The following MTA3 variants were observed in gnomAD, a reference collection of about 807,000 sequenced individuals.
MTA3 encodes metastasis associated 1 family member 3.
In MTA3, 34 loss-of-function variants were observed where a neutral mutation model predicts 83.5. The ratio of observed to expected loss-of-function variants is 0.41; its 90% CI spans 0.31 to 0.54. The LOEUF (loss-of-function observed/expected upper bound fraction) is 0.54. Ranked by LOEUF, MTA3 falls within the 20% of genes least tolerant of loss-of-function variation. The pLI, the probability that MTA3 is intolerant of heterozygous loss-of-function variation, is 0.33. For synonymous variants in MTA3, 303 were observed against 252.7 expected, an observed-to-expected ratio of 1.20 and a Z score of -1.89; for missense variants, 761 against 726.4, an observed-to-expected ratio of 1.05 and a Z score of -0.55.
intron 2 of MTA3, among the ~76,000 whole-genome samples, chr2:42,570,706 A>G (rs575150635): frequency 6.6e-6 from 1 of 151,878 alleles, no homozygotes; most frequent in East Asian, 1.9e-4. Context: ...TTTTTTTTTA[A>G]TTAATATAAA....
intron 3 of MTA3, among the ~76,000 whole-genome samples, chr2:42,589,044 G>A (rs1194058279): frequency 1.3e-5 from 2 of 151,954 alleles, no homozygotes; most frequent in South Asian, 2.1e-4. Flanking sequence ...TCTTAACTTC[G>A]AGTCAGCTGA....
In MTA3 at chr2:42,542,112, A is replaced by G. The variant is rs540628014; in HGVS notation, c.-140-28325A>G. On this transcript the variant is annotated intron_variant, in intron 2 of 17. Coordinates refer to the MTA3 transcript ENST00000405592. ...CTTTCTTTGCAAATGGGTTTGCTCTATGCCTAGATCAAGTATAGACTCACA... is the reference window on the plus strand; with the variant it reads ...CTTTCTTTGCAAATGGGTTTGCTCTGTGCCTAGATCAAGTATAGACTCACA... Among the ~76,000 whole-genome samples the G allele has an allele frequency of 3.3e-5, 5 of 152,280 alleles. No homozygotes were observed. The East Asian group carries it at 5.8e-4, about 18-fold the overall frequency.
intron 4 of MTA3, among the ~76,000 whole-genome samples, chr2:42,620,791 G>A (rs1032731569): frequency 6.6e-6 from 1 of 152,200 alleles, no homozygotes; most frequent in Non-Finnish European, 1.5e-5. Flanking sequence ...ACTGGGCCCA[G>A]CTGGTTAACT....
intron 11 of MTA3, among the ~76,000 whole-genome samples, chr2:42,699,535 G>A (rs566930889): frequency 2.6e-5 from 4 of 152,298 alleles, no homozygotes; most frequent in South Asian, 4.1e-4. Context: ...GATGCAGAGG[G>A]ACCAGTTATG....
intron 3 of MTA3, among the ~76,000 whole-genome samples, chr2:42,589,143 C>T (rs1680676445): frequency 6.6e-6 from 1 of 152,066 alleles, no homozygotes; most frequent in Non-Finnish European, 1.5e-5. Context: ...GATAGTTTGA[C>T]ACATAAAACC....
intron 2 of MTA3, among the ~76,000 whole-genome samples, chr2:42,526,266 C>T (rs560326309): frequency 5.9e-5 from 9 of 152,194 alleles, no homozygotes; most frequent in East Asian, 1.9e-4. Context: ...GGTCTCACTA[C>T]GTTGCCCAAG....
intron 12 of MTA3, among the ~76,000 whole-genome samples, chr2:42,706,699 T>G (rs1666119016): frequency 6.6e-6 from 1 of 152,238 alleles, no homozygotes; most frequent in Admixed American, 6.5e-5. Flanking sequence ...CACATGTATT[T>G]TAAATGTCAC....
intron 16 of MTA3, among the ~76,000 whole-genome samples, chr2:42,736,584 G>A (rs978726096): frequency 7.9e-5 from 12 of 152,178 alleles, no homozygotes; most frequent in African/African-American, 2.9e-4. Flanking sequence ...CCTGGAGTCA[G>A]GAACCTTAGG....
At chr2:42,599,882 C>T (rs1396381807) in intron 3 of MTA3, among the ~76,000 whole-genome samples, 5 of 152,012 alleles carry the variant, frequency 3.3e-5, no homozygotes, top group Non-Finnish European at 7.4e-5. Context: ...GAAATGTTTT[C>T]CATTTCAAGA....
chr2:42,496,830 T>C (rs943439900), intron 2 of MTA3, among the ~76,000 whole-genome samples: 1 of 152,142 alleles, frequency 6.6e-6, no homozygotes, highest in Non-Finnish European at 1.5e-5. Context: ...TCCAGTTCTT[T>C]CCTATCTCTA....
At chr2:42,648,854 T>C (rs1254277044) in intron 6 of MTA3, among the ~76,000 whole-genome samples, 3 of 152,354 alleles carry the variant, frequency 2.0e-5, no homozygotes, top group South Asian at 4.1e-4. Flanking sequence ...CCTTAAATTA[T>C]TAAACGAAAA....
chr2:42,501,265 T>C (rs949507772), intron 2 of MTA3, among the ~76,000 whole-genome samples: 3 of 152,172 alleles, frequency 2.0e-5, no homozygotes, highest in Admixed American at 2.0e-4. Context: ...CATTATGCAT[T>C]ACATAGATTC....
intron 4 of MTA3, among the ~76,000 whole-genome samples, chr2:42,638,962 C>A (rs1345939638): frequency 6.6e-6 from 1 of 151,118 alleles, no homozygotes. Flanking sequence ...AATGTGTTAG[C>A]ACTTTTAGTA....
intron 2 of MTA3, among the ~76,000 whole-genome samples, chr2:42,552,855 CAGG>C (rs1677180705): frequency 6.6e-6 from 1 of 151,514 alleles, no homozygotes; most frequent in African/African-American, 2.4e-5. Flanking sequence ...GAGGCTGAGG[CAGG>C]AGAATTGCTT....
Position 42,526,720 on chromosome 2 carries a change from C to T in MTA3, c.-141+31466C>T, listed in dbSNP as rs371105439. Among the ~76,000 whole-genome samples the T allele has an allele frequency of 1.7e-4, 26 of 152,166 alleles. 1 individual carries two copies. The highest frequency in any genetic ancestry group is 5.8e-4 in the African/African-American group (24 of 41,514). Reference sequence around the variant, plus strand: ...TGAATAAAAGTGAACCTGAAAGAGGCTACCCTTCAAGATGGATTCAATGGG... The same window carrying T: ...TGAATAAAAGTGAACCTGAAAGAGGTTACCCTTCAAGATGGATTCAATGGG... On this transcript the variant is annotated intron_variant, in intron 2 of 17. Coordinates refer to the MTA3 transcript ENST00000405592.
chr2:42,550,731 C>T (rs1485089554), intron 2 of MTA3, among the ~76,000 whole-genome samples: 1 of 152,016 alleles, frequency 6.6e-6, no homozygotes, highest in African/African-American at 2.4e-5. Context: ...ACTGGTGGAG[C>T]AATGAAGATA....
intron 1 of MTA3, chr2:42,569,641 A>T (rs575856380): frequency 1.6e-4 from 25 of 152,308 alleles, no homozygotes; most frequent in African/African-American, 6.0e-4. Context: ...ACTAAGATAG[A>T]CAATAACAAT....
Position 42,575,198 on chromosome 2 carries a change from G to A in MTA3, c.97-3909G>A, listed in dbSNP as rs144848550. 2.1e-3 allele frequency among the ~76,000 whole-genome samples: 324 copies of A among 152,174 alleles called. 7 individuals carry two copies. In the East Asian group the frequency reaches 0.042, roughly 20 times the overall value. On this transcript the variant is annotated intron_variant, in intron 2 of 16. Coordinates refer to ENST00000405094, the MANE Select transcript of MTA3 (RefSeq NM_001330442.2). ...TTTCTCCCTGCAACCACCTTAGGAGGACCGTTTATTTGTGTCCGTCCTACC... is the reference window on the plus strand; with the variant it reads ...TTTCTCCCTGCAACCACCTTAGGAGAACCGTTTATTTGTGTCCGTCCTACC...
Position 42,754,578 on chromosome 2 carries a change from G to C in MTA3, c.*1179G>C. On this transcript the variant is annotated 3_prime_UTR_variant, in exon 17 of 17. Coordinates refer to ENST00000405094, the MANE Select transcript of MTA3 (RefSeq NM_001330442.2). ...CAAGGATAGGAATAGCTCAGCGCCC[G>C]ATGAGCTCCCTGAGCAGATGTGAGG... The C allele has an allele frequency of 1.0e-6, 1 of 985,460 alleles. No homozygotes were observed. The highest frequency in any genetic ancestry group is 1.2e-6 in the Non-Finnish European group (1 of 829,960). The allele number at this position is 985,460 out of a possible 1,614,324, so 61.0% of individuals were successfully genotyped here.
Sources: gnomAD v4.1 joint callset for allele counts (sites outside exome capture counted in the v4.1 genomes callset) on GRCh38, gnomAD v4.1.1 for gene constraint, MANE v1.5 for transcripts, NCBI Gene and HGNC (gene_info 2026-07-23, HGNC 2026-07-21) for gene names.